ATRNL1: variants seen among roughly 807,000 people sequenced by gnomAD.
ATRNL1 encodes the protein attractin like 1.
Under a neutral mutation model 182.7 loss-of-function variants are expected in ATRNL1, and 95 were observed. The observed-to-expected ratio is 0.52, with a 90% CI of 0.44 to 0.62. The LOEUF is 0.62. Among genes scored for constraint, ATRNL1 ranks in the 20% least tolerant of loss-of-function variants. The probability of loss-of-function intolerance (pLI) is 0.00; values close to 1 mark genes in which losing one functional copy is unlikely to be tolerated. For synonymous variants in ATRNL1, 576 were observed against 568.3 expected, an observed-to-expected ratio of 1.01 and a Z score of -0.19; for missense variants, 1,471 against 1,679.5, an observed-to-expected ratio of 0.88 and a Z score of 2.17.
chr10:115,811,875 T>A (rs1458929944), intron 27 of ATRNL1, among the ~76,000 whole-genome samples: 3 of 152,078 alleles, frequency 2.0e-5, no homozygotes, highest in Admixed American at 6.6e-5. Flanking sequence ...TATAAAAATA[T>A]GTGAAAATTT....
chr10:115,429,807 C>G (rs1305103071), intron 21 of ATRNL1, among the ~76,000 whole-genome samples: 5 of 152,146 alleles, frequency 3.3e-5, no homozygotes, highest in Non-Finnish European at 5.9e-5. Context: ...GTGGCTCACA[C>G]CTGTAATCCC....
At chr10:115,577,610 T>TGTGTGTG (rs1854799485) in intron 26 of ATRNL1, among the ~76,000 whole-genome samples, 2 of 135,016 alleles carry the variant, frequency 1.5e-5, no homozygotes, top group African/African-American at 2.7e-5. Flanking sequence ...TTCTAACAGG[T>TGTGTGTG]TGTGTGTGTG....
chr10:115,473,475 C>T (rs1360677324), intron 24 of ATRNL1, among the ~76,000 whole-genome samples: 3 of 151,056 alleles, frequency 2.0e-5, no homozygotes, highest in African/African-American at 7.3e-5. Context: ...CAACTTAGTC[C>T]ATCTATTTAA....
chr10:115,715,094 G>A (rs1565312200), intron 26 of ATRNL1, among the ~76,000 whole-genome samples: 1 of 152,036 alleles, frequency 6.6e-6, no homozygotes, highest in Non-Finnish European at 1.5e-5. Flanking sequence ...CTGCAGAGGG[G>A]CTGACTAAGT....
At chr10:115,416,759 A>G (rs974768270) in intron 20 of ATRNL1, among the ~76,000 whole-genome samples, 10 of 152,232 alleles carry the variant, frequency 6.6e-5, no homozygotes, top group Non-Finnish European at 1.5e-4. Flanking sequence ...TTTCAGTTCA[A>G]TATATGATTA....
chr10:115,491,841 C>G lies in ATRNL1; in HGVS notation c.3654+22512C>G, dbSNP rs189198902. ...GCTCAGTGTCTGCCCAAATGGCTGC[C>G]CAGTTTTGTGCTTGAAACCTAGGGC... On this transcript the variant is annotated intron_variant, in intron 24 of 28. Transcript: ENST00000355044. Among the ~76,000 whole-genome samples, 15 of 152,264 alleles carry G rather than the reference C, an allele frequency of 9.9e-5. No individual in the cohort carries two copies. In the East Asian group the frequency reaches 2.9e-3, roughly 29 times the overall value.
chr10:115,349,513 A>G (rs1423196749), intron 19 of ATRNL1, among the ~76,000 whole-genome samples: 1 of 152,140 alleles, frequency 6.6e-6, no homozygotes, highest in Admixed American at 6.5e-5. Flanking sequence ...TTCTGTTTGT[A>G]GTGTTTTGAG....
intron 21 of ATRNL1, among the ~76,000 whole-genome samples, chr10:115,433,464 G>T (rs1025746734): frequency 1.3e-5 from 2 of 152,032 alleles, no homozygotes; most frequent in African/African-American, 4.8e-5. Context: ...TGCACATGGG[G>T]CAGAGTGATC....
At chr10:115,357,732 A>T (rs573106007) in intron 19 of ATRNL1, among the ~76,000 whole-genome samples, 1 of 151,808 alleles carries the variant, frequency 6.6e-6, no homozygotes, top group South Asian at 2.1e-4. Context: ...GCTTTAAAGG[A>T]AGTATATAAA....
chr10:115,166,275 A>G (rs1436312124), intron 7 of ATRNL1, among the ~76,000 whole-genome samples: 1 of 152,080 alleles, frequency 6.6e-6, no homozygotes, highest in Non-Finnish European at 1.5e-5. Context: ...CATTATATGT[A>G]TATACCACAT....
chr10:115,740,337 T>G (rs576803013), intron 27 of ATRNL1, among the ~76,000 whole-genome samples: 2 of 144,386 alleles, frequency 1.4e-5, no homozygotes, highest in African/African-American at 5.2e-5. Flanking sequence ...ATTTGCTTTA[T>G]AGAGAAAGGC....
At chr10:115,658,507 C>A (rs2133897769) in intron 26 of ATRNL1, among the ~76,000 whole-genome samples, 1 of 151,880 alleles carries the variant, frequency 6.6e-6, no homozygotes, top group South Asian at 2.1e-4. Flanking sequence ...AGGTTTCAAC[C>A]TTTTTTAGTG....
chr10:115,161,899 A>G (rs1254410689), intron 6 of ATRNL1, among the ~76,000 whole-genome samples: 1 of 152,124 alleles, frequency 6.6e-6, no homozygotes, highest in Non-Finnish European at 1.5e-5. Flanking sequence ...CTATAGTGGA[A>G]TTTAATTGGG....
At chr10:115,417,213 C>T (rs544250794) in intron 20 of ATRNL1, among the ~76,000 whole-genome samples, 1 of 152,316 alleles carries the variant, frequency 6.6e-6, no homozygotes, top group South Asian at 2.1e-4. Context: ...TCTAAGGGGT[C>T]TAGGAGCAAT....
chr10:115,628,146 CAA>C (rs34729273), intron 26 of ATRNL1, among the ~76,000 whole-genome samples: 17 of 109,046 alleles, frequency 1.6e-4, no homozygotes, highest in African/African-American at 1.5e-4. Flanking sequence ...GACTCTGTCT[CAA>C]AAAAAAAAAA....
At chr10:115,625,392 T>C (rs1286724335) in intron 26 of ATRNL1, among the ~76,000 whole-genome samples, 1 of 152,214 alleles carries the variant, frequency 6.6e-6, no homozygotes, top group Non-Finnish European at 1.5e-5. Flanking sequence ...AAATAATAAT[T>C]TGTATTTCCA....
chr10:115,638,695 G>A (rs1295375728), intron 26 of ATRNL1, among the ~76,000 whole-genome samples: 3 of 152,130 alleles, frequency 2.0e-5, no homozygotes, highest in African/African-American at 7.2e-5. Flanking sequence ...GAATTTTATG[G>A]TATGTATAAA....
chr10:115,895,751 T>A (rs1208354182), intron 28 of ATRNL1, among the ~76,000 whole-genome samples: 3 of 152,224 alleles, frequency 2.0e-5, no homozygotes. Flanking sequence ...TAAGAACTCT[T>A]ACTCAAAGAG....
chr10:115,531,821 G>T (rs1261192011), intron 25 of ATRNL1, among the ~76,000 whole-genome samples: 1 of 145,426 alleles, frequency 6.9e-6, no homozygotes, highest in African/African-American at 2.4e-5. Context: ...TGTAAGGAAG[G>T]GATCCAGTTT....
Sources: gnomAD v4.1 joint callset for allele counts (sites outside exome capture counted in the v4.1 genomes callset) on GRCh38, gnomAD v4.1.1 for gene constraint, MANE v1.5 for transcripts, NCBI Gene and HGNC (gene_info 2026-07-23, HGNC 2026-07-21) for gene names.